Variants in MSH6 observed in about 807,000 individuals in gnomAD.
The protein encoded by MSH6 is mutS homolog 6, also known as DNA mismatch repair protein Msh6.
Under a neutral mutation model 119.1 loss-of-function variants are expected in MSH6, and 85 were observed. The ratio of observed to expected loss-of-function variants is 0.71; its 90% CI spans 0.60 to 0.85. MSH6 has a LOEUF of 0.85. MSH6 is among the 40% of genes least tolerant of loss of function. The probability of loss-of-function intolerance (pLI) is 0.00; values close to 1 mark genes in which losing one functional copy is unlikely to be tolerated. For missense variants in MSH6, 2,163 were observed against 1,655.3 expected, an observed-to-expected ratio of 1.31 and a Z score of -5.32; for synonymous variants, 830 against 586.9, an observed-to-expected ratio of 1.41 and a Z score of -5.99.
At chr2:47,791,693 T>C (rs975828320) in intron 2 of MSH6, among the ~76,000 whole-genome samples, 3 of 149,722 alleles carry the variant, frequency 2.0e-5, no homozygotes, top group East Asian at 2.0e-4. Context: ...TTTTTTTTTT[T>C]CTGGAGACAG....
intron 1 of MSH6, among the ~76,000 whole-genome samples, chr2:47,787,810 A>G (rs544474023): frequency 6.6e-6 from 1 of 152,254 alleles, no homozygotes; most frequent in South Asian, 2.1e-4. Context: ...TGTAGAAACA[A>G]GGTCTCACTG....
rs1477418954 is a variant in MSH6 at position 47,796,163 on chromosome 2, T to G, written c.627+100T>G. ...AGATACCTTGTTTTATATATGTGTG[T>G]GTATATGTATTATTTTATTATACAT... is the stretch of plus-strand genomic sequence containing the variant. On this transcript the variant is annotated intron_variant, in intron 3 of 9. Transcript: ENST00000234420. 2.5e-6 allele frequency: 3 copies of G among 1,194,046 alleles called. No individual in the cohort carries two copies. The African/African-American group carries it at 4.6e-5, about 18-fold the overall frequency. 74.0% of individuals were successfully genotyped at this position (1,194,046 alleles called of 1,614,324 possible). A position where few individuals can be genotyped will look rare whatever the true frequency, so the allele number is the denominator to read the frequency against.
At chr2:47,793,149 C>T (rs1360857657) in intron 2 of MSH6, among the ~76,000 whole-genome samples, 2 of 150,938 alleles carry the variant, frequency 1.3e-5, no homozygotes, top group South Asian at 2.1e-4. Context: ...GGTGAAATCC[C>T]GTCTCTACTA....
intron 3 of MSH6, chr2:47,797,856 C>A: frequency 1.3e-5 from 3 of 235,744 alleles, no homozygotes; most frequent in South Asian, 1.3e-4. Context: ...CCTCCCAGTT[C>A]AAAATGCTTG....
At chr2:47,805,823 C>T (rs1323417440) in intron 7 of MSH6, 116 bp downstream of exon 7, 1 of 849,562 alleles carries the variant, frequency 1.2e-6, no homozygotes, top group Non-Finnish European at 2.0e-6. Flanking sequence ...GTTTTTAGAG[C>T]ACGCACTCAC....
intron 1 of MSH6, chr2:47,784,273 G>GAA (rs1668211305): frequency 1.0e-6 from 1 of 986,570 alleles, no homozygotes; most frequent in African/African-American, 1.7e-5. Flanking sequence ...GACGAAGATA[G>GAA]AATATTTTGA....
rs779720344 is a variant in MSH6 at position 47,806,373 on chromosome 2, T to A, written c.3801+15T>A. ...TAGGACATATGGTATGTGCAAATTG[T>A]TTTTTTCCACAAATTCGGTTTTTTG... On this transcript the variant is annotated intron_variant, in intron 8 of 9. Coordinates refer to ENST00000234420, the MANE Select transcript of MSH6 (RefSeq NM_000179.3). The A allele has an allele frequency of 2.3e-5, 37 of 1,613,874 alleles. No homozygotes were observed. In the South Asian group the frequency reaches 4.1e-4, roughly 18 times the overall value.
chr2:47,796,130 T>C (rs2104243840), intron 3 of MSH6, 67 bp downstream of exon 3: 1 of 1,512,538 alleles, frequency 6.6e-7, no homozygotes, highest in South Asian at 1.1e-5. Flanking sequence ...GGGGAGGGTG[T>C]ATTAACAAGA....
chr2:47,788,922 G>GTTTTTTTTGTTTTTTTTGTTTTTTTTTTT (rs1668541391), intron 1 of MSH6, among the ~76,000 whole-genome samples: 2 of 40,932 alleles, frequency 4.9e-5, no homozygotes, highest in African/African-American at 2.0e-4. Flanking sequence ...TTTTTTTTTT[G>GTTTTTTTTGTTTTTTTTGTTTTTTTTTTT]TTTTTTTTTT....
At position 47,806,352 on chromosome 2, in the gene MSH6, A is replaced by G. The variant is rs786202166; in HGVS notation, c.3795A>G (p.Gly1265=). The part of the protein sequence containing the change: ...DYSQNVAVRL[G]HMACMVENEC... ...CTCAAAATGTTGCTGTGCGCCTAGG[A>G]CATATGGTATGTGCAAATTGTTTTT... is the stretch of plus-strand genomic sequence containing the variant. Residue 1265 remains glycine, a synonymous_variant, in exon 8 of 10, where the codon GGA becomes GGG. Transcript: ENST00000234420. The G allele has an allele frequency of 1.2e-6, 2 of 1,614,138 alleles. No individual in the cohort carries two copies. Among genetic ancestry groups the G allele is most frequent in the Non-Finnish European group, 8.5e-7 (1 of 1,179,994 alleles).
rs2104432484 is a variant in MSH6, at chr2:47,800,931, A to G, written c.2948A>G (p.Glu983Gly). ...GRNRYQLEIP[E>G]NFTTRNLPEE... Reference sequence around the variant, plus strand: ...AACCGTTACCAGCTGGAAATTCCTGAGAATTTCACCACTCGCAATTTGCCA... The same window carrying G: ...AACCGTTACCAGCTGGAAATTCCTGGGAATTTCACCACTCGCAATTTGCCA... Residue 983 changes from glutamate to glycine, a missense_variant, in exon 4 of 10, where the codon GAG (glutamate) becomes GGG (glycine). Coordinates refer to ENST00000234420, the MANE Select transcript of MSH6 (RefSeq NM_000179.3). 6.3e-7 allele frequency: 1 copy of G among 1,578,822 alleles called. No homozygotes were observed. The highest frequency in any genetic ancestry group is 1.2e-5 in the South Asian group (1 of 85,364).
In MSH6 at chr2:47,800,209, C is replaced by T. The variant is rs587781739; in HGVS notation, c.2226C>T (p.Asn742=). Residue 742 remains asparagine, a synonymous_variant, in exon 4 of 10, where the codon AAC becomes AAT. Transcript: ENST00000234420. The part of the protein sequence containing the change: ...RMVLDAVTLN[N]LEIFLNGTNG... ...TGCTAGATGCAGTGACATTAAACAA[C>T]TTGGAGATTTTTCTGAATGGAACAA... 3 of 1,614,052 alleles carry T rather than the reference C, an allele frequency of 1.9e-6. No individual in the cohort carries two copies. The highest frequency in any genetic ancestry group is 2.5e-6 in the Non-Finnish European group (3 of 1,180,036).
At chr2:47,801,620 C>A (rs1007653797) in intron 4 of MSH6, among the ~76,000 whole-genome samples, 1 of 151,938 alleles carries the variant, frequency 6.6e-6, no homozygotes, top group Non-Finnish European at 1.5e-5. Context: ...CCTCCTGCCT[C>A]GGCTTCCCAA....
chr2:47,784,083 G>A (rs1230080294), intron 1 of MSH6: 2 of 1,008,770 alleles, frequency 2.0e-6, no homozygotes, highest in Admixed American at 6.0e-5. Flanking sequence ...AGACGCCTTG[G>A]GGACGGTGGG....
intron 1 of MSH6, chr2:47,785,111 C>G (rs780225423): frequency 6.6e-6 from 1 of 152,050 alleles, no homozygotes; most frequent in Non-Finnish European, 1.5e-5. Context: ...CATGAACCAC[C>G]GAGCCCGGCC....
chr2:47,791,928 C>G (rs1463646432), intron 2 of MSH6, among the ~76,000 whole-genome samples: 1 of 152,032 alleles, frequency 6.6e-6, no homozygotes, highest in Admixed American at 6.6e-5. Context: ...CTCACTGCAA[C>G]CGCCACCTCC....
At chr2:47,793,633 A>T (rs556356469) in intron 2 of MSH6, among the ~76,000 whole-genome samples, 3 of 151,194 alleles carry the variant, frequency 2.0e-5, no homozygotes, top group East Asian at 1.9e-4. Context: ...ATAAATAAAT[A>T]AAATAAAATA....
Position 47,806,187 on chromosome 2 carries a change from A to G in MSH6, c.3647-17A>G, listed in dbSNP as rs767828284. 3.1e-6 allele frequency: 5 copies of G among 1,612,776 alleles called. 1 individual carries two copies. The highest frequency in any genetic ancestry group is 2.2e-5 in the South Asian group (2 of 91,052). On this transcript the variant is annotated splice_polypyrimidine_tract_variant and intron_variant, in intron 7 of 9. Transcript: ENST00000234420. ...ATTCCTTTGAGTTACTTCCTTATGC[A>G]TATTTTACTTTAACAGGAAGAGGTA...
chr2:47,794,615 T>C (rs932638397), intron 2 of MSH6, among the ~76,000 whole-genome samples: 8 of 151,934 alleles, frequency 5.3e-5, no homozygotes, highest in Admixed American at 4.6e-4. Flanking sequence ...GAGAAATAAA[T>C]TTTAACGCGT....
Sources: allele counts gnomAD v4.1 joint callset (sites outside exome capture counted in the v4.1 genomes callset), GRCh38; gene constraint gnomAD v4.1.1; transcripts MANE v1.5; gene names NCBI Gene and HGNC (gene_info 2026-07-23, HGNC 2026-07-21).